Variants in WDR36 observed in about 807,000 individuals in gnomAD.
WDR36 encodes the protein WD repeat domain 36, also known as WD repeat-containing protein 36.
In WDR36, 63 loss-of-function variants were observed where a neutral mutation model predicts 112.7. The ratio of observed to expected loss-of-function variants is 0.56; its 90% confidence interval spans 0.46 to 0.69. The LOEUF (loss-of-function observed/expected upper bound fraction) is 0.69, where lower values mean the gene tolerates loss of function less well. WDR36 is among the 30% of genes least tolerant of loss of function. The pLI, the probability that WDR36 is intolerant of heterozygous loss-of-function variation, is 0.00. For synonymous variants in WDR36, 410 were observed against 362.2 expected, an observed-to-expected ratio of 1.13 and a Z score of -1.50; for missense variants, 1,226 against 1,070.3, an observed-to-expected ratio of 1.15 and a Z score of -2.03.
Position 111,105,283 on chromosome 5 carries a change from G to C in WDR36, c.1028-12G>C, listed in dbSNP as rs780017652. 1.7e-5 allele frequency: 27 copies of C among 1,608,728 alleles called. No individual in the cohort carries two copies. In the Admixed American group the frequency reaches 4.5e-4, roughly 27 times the overall value. ...TGAAGCTTGATTAGGGATTTTCTGT[G>C]TATATCAACAGGTCAAGATGGAACT... On this transcript the variant is annotated splice_polypyrimidine_tract_variant and intron_variant, in intron 9 of 22. Transcript: ENST00000513710.
chr5:111,104,600 A>T lies in WDR36; in HGVS notation c.907-97A>T, dbSNP rs901597969. On this transcript the variant is annotated intron_variant, in intron 8 of 22. Coordinates refer to ENST00000513710, the MANE Select transcript of WDR36 (RefSeq NM_139281.3). Reference sequence around the variant, plus strand: ...CTCCAGAGTCAGTGGCTTAGCAAGCACTACTCAATACCAGTTGATTTATGT... The same window carrying T: ...CTCCAGAGTCAGTGGCTTAGCAAGCTCTACTCAATACCAGTTGATTTATGT... 6.3e-6 allele frequency: 10 copies of T among 1,577,398 alleles called. No homozygotes were observed. The African/African-American group carries it at 1.3e-4, about 21-fold the overall frequency.
At chr5:111,103,130 A>G (rs1220747571) in intron 6 of WDR36, among the ~76,000 whole-genome samples, 1 of 151,710 alleles carries the variant, frequency 6.6e-6, no homozygotes, top group Non-Finnish European at 1.5e-5. Context: ...GGTCTCATGC[A>G]TAGTAGACAC....
chr5:111,117,144 G>C (rs1170684034), intron 16 of WDR36, among the ~76,000 whole-genome samples: 2 of 152,222 alleles, frequency 1.3e-5, no homozygotes, highest in Non-Finnish European at 2.9e-5. Flanking sequence ...AGCCATTCTT[G>C]TGGGCTTTCA....
chr5:111,095,139 C>A, intron 2 of WDR36, 192 bp downstream of exon 2: 1 of 580,384 alleles, frequency 1.7e-6, no homozygotes, highest in Non-Finnish European at 3.0e-6. Flanking sequence ...TCTTTATTTT[C>A]TTTAATCTGG....
chr5:111,113,072 A>T lies in WDR36; in HGVS notation c.1717-2A>T. 3 of 1,272,922 alleles carry T rather than the reference A, an allele frequency of 2.4e-6. No homozygotes were observed. Among genetic ancestry groups the T allele is most frequent in the East Asian group, 3.0e-5 (1 of 33,856 alleles). 78.9% of individuals were successfully genotyped at this position (1,272,922 alleles called of 1,614,324 possible). On this transcript the variant is annotated splice_acceptor_variant, in intron 15 of 22. Transcript: ENST00000513710. LOFTEE classifies it high-confidence loss of function. The stretch of plus-strand genomic sequence containing the variant: ...TATATATTTTTTTTTTTTAATTTAA[A>T]GGCTTTTAGTCCTGATGGTCGTTGG...
chr5:111,115,734 A>G (rs1177266762), intron 16 of WDR36, among the ~76,000 whole-genome samples: 1 of 152,248 alleles, frequency 6.6e-6, no homozygotes, highest in Non-Finnish European at 1.5e-5. Context: ...AGGTATATCC[A>G]TCTGGAATTG....
chr5:111,125,901 A>C, intron 22 of WDR36, 106 bp downstream of exon 22: 8 of 1,164,362 alleles, frequency 6.9e-6, no homozygotes, highest in Non-Finnish European at 8.9e-6. Context: ...CATCCTTTCC[A>C]GTATCATAGC....
rs781063919 is a variant in WDR36 at position 111,126,847 on chromosome 5, G to A, written c.2652G>A (p.Met884Ile). Residue 884 changes from methionine (M) to isoleucine (I), a missense_variant, in exon 23 of 23, where the codon ATG (methionine) becomes ATA (isoleucine). Physicochemically the swap from Met to Ile is conservative, Grantham distance 10 (BLOSUM62 1). Coordinates refer to ENST00000513710, the MANE Select transcript of WDR36 (RefSeq NM_139281.3). ...THLQSLFNQS[M>I]CILNYLKSAL... ...TGCAATCACTCTTCAATCAAAGCATGTGTATTTTAAATTATCTCAAAAGTG... is the reference window on the plus strand; with the variant it reads ...TGCAATCACTCTTCAATCAAAGCATATGTATTTTAAATTATCTCAAAAGTG... 1.2e-6 allele frequency: 2 copies of A among 1,609,886 alleles called. No individual in the cohort carries two copies. The highest frequency in any genetic ancestry group is 1.7e-6 in the Non-Finnish European group (2 of 1,178,876).
intron 16 of WDR36, among the ~76,000 whole-genome samples, chr5:111,116,150 A>G (rs1753450135): frequency 6.6e-6 from 1 of 151,344 alleles, no homozygotes; most frequent in East Asian, 1.9e-4. Context: ...GGGTTTCACC[A>G]TGTGGCCAGG....
In WDR36 at chr5:111,128,231, T is replaced by G. The variant is rs919167332; in HGVS notation, c.*1348T>G. On this transcript the variant is annotated 3_prime_UTR_variant, in exon 23 of 23. Transcript: ENST00000513710. Reference sequence around the variant, plus strand: ...ACACCAGTAGCATTCTCGTTCGTTGTTAGGGTAAGAGAGTTTTGTAGAATG... The same window carrying G: ...ACACCAGTAGCATTCTCGTTCGTTGGTAGGGTAAGAGAGTTTTGTAGAATG... 1 of 189,122 alleles carries G rather than the reference T, an allele frequency of 5.3e-6. No individual in the cohort carries two copies. 11.7% of individuals were successfully genotyped at this position (189,122 alleles called of 1,614,324 possible).
Position 111,106,043 on chromosome 5 carries a change from T to C in WDR36, c.1094-14T>C, listed in dbSNP as rs1753216110. 6.3e-7 allele frequency: 1 copy of C among 1,591,776 alleles called. No homozygotes were observed. Among genetic ancestry groups the C allele is most frequent in the Non-Finnish European group, 8.6e-7 (1 of 1,160,928 alleles). On this transcript the variant is annotated splice_polypyrimidine_tract_variant and intron_variant, in intron 10 of 22. Transcript: ENST00000513710. The stretch of plus-strand genomic sequence containing the variant: ...ATTCATAGCTATGTATGTTCCCCTT[T>C]CCCCCATCCTTAGGATTAATAAATA...
Position 111,130,034 on chromosome 5 carries a change from A to G in WDR36, c.*3151A>G, listed in dbSNP as rs1431436804. 9.4e-6 allele frequency: 2 copies of G among 211,988 alleles called. No individual in the cohort carries two copies. Among genetic ancestry groups the G allele is most frequent in the Non-Finnish European group, 9.5e-6 (1 of 104,790 alleles). The allele number at this position is 211,988 out of a possible 1,614,324, so 13.1% of individuals were successfully genotyped here. A position where few individuals can be genotyped will look rare whatever the true frequency, so the allele number is the denominator to read the frequency against. ...CTAGTAAATGATGCATTACTTTGGT[A>G]TGTTCTCAGATTTGGGTAAAGCCTT... On this transcript the variant is annotated 3_prime_UTR_variant, in exon 23 of 23. Coordinates refer to ENST00000513710, the MANE Select transcript of WDR36 (RefSeq NM_139281.3).
chr5:111,107,927 C>T (rs1353243617), intron 12 of WDR36, among the ~76,000 whole-genome samples: 1 of 151,190 alleles, frequency 6.6e-6, no homozygotes. Context: ...GTGACTTCTC[C>T]AGGTTTTTTG....
At chr5:111,117,356 T>G (rs1448391306) in intron 16 of WDR36, among the ~76,000 whole-genome samples, 2 of 152,120 alleles carry the variant, frequency 1.3e-5, no homozygotes, top group African/African-American at 4.8e-5. Context: ...GAGAGAGGCG[T>G]TTTACCATGG....
intron 12 of WDR36, among the ~76,000 whole-genome samples, chr5:111,109,946 A>G (rs1449673322): frequency 6.6e-6 from 1 of 151,400 alleles, no homozygotes. Context: ...AGTTAACCTT[A>G]GTTATGTTTT....
At chr5:111,094,998 T>G (rs1318875862) in intron 2 of WDR36, 51 bp downstream of exon 2, 1 of 1,529,708 alleles carries the variant, frequency 6.5e-7, no homozygotes, top group South Asian at 1.2e-5. Flanking sequence ...TTTTTTTTTA[T>G]TTTGACATAA....
intron 16 of WDR36, among the ~76,000 whole-genome samples, chr5:111,118,797 ATGT>A (rs1753507066): frequency 6.6e-6 from 1 of 152,024 alleles, no homozygotes; most frequent in Admixed American, 6.6e-5. Flanking sequence ...AGTCTAGTTA[ATGT>A]TGTCTTTCTC....
At chr5:111,105,419 G>C in intron 10 of WDR36, 59 bp downstream of exon 10, 2 of 1,474,070 alleles carry the variant, frequency 1.4e-6, no homozygotes, top group Non-Finnish European at 1.9e-6. Flanking sequence ...AACATTCTAT[G>C]AAACAACTGG....
chr5:111,107,834 A>G (rs1753249730), intron 12 of WDR36, among the ~76,000 whole-genome samples: 1 of 151,322 alleles, frequency 6.6e-6, no homozygotes, highest in Non-Finnish European at 1.5e-5. Context: ...ATTCTCTTCC[A>G]TTGATCTGTA....
Sources: gnomAD v4.1 joint callset for allele counts (sites outside exome capture counted in the v4.1 genomes callset) on GRCh38, gnomAD v4.1.1 for gene constraint, MANE v1.5 for transcripts, NCBI Gene and HGNC (gene_info 2026-07-23, HGNC 2026-07-21) for gene names.